The following PKIB variants were observed in gnomAD, a reference collection of about 807,000 sequenced individuals.
PKIB encodes the protein PKI-beta.
A neutral mutation model predicts 4.5 loss-of-function variants in PKIB; 2 were observed. The observed-to-expected ratio is 0.44, with a 90% CI of 0.18 to 1.39. The LOEUF is 1.39. PKIB is among the 40% of genes most tolerant of loss of function. PKIB has a pLI of 0.27. For missense variants in PKIB, 94 were observed against 92.6 expected (o/e 1.02, Z -0.06); for synonymous variants, 38 against 36.0 (o/e 1.06, Z -0.20).
At chr6:122,605,027 G>A (rs889520792) in intron 3 of PKIB, among the ~76,000 whole-genome samples, 2 of 152,200 alleles carry the variant, frequency 1.3e-5, no homozygotes, top group Non-Finnish European at 2.9e-5. Flanking sequence ...CTTGGTGAAT[G>A]TGGGTCTGTA....
intron 3 of PKIB, among the ~76,000 whole-genome samples, chr6:122,688,905 C>T (rs796501404): frequency 5.3e-5 from 8 of 151,992 alleles, no homozygotes; most frequent in African/African-American, 1.4e-4. Context: ...CTCAGCCTCC[C>T]GAGTGGCTGG....
chr6:122,700,653 TG>T (rs1384908576), intron 3 of PKIB, among the ~76,000 whole-genome samples: 1 of 152,240 alleles, frequency 6.6e-6, no homozygotes, highest in Non-Finnish European at 1.5e-5. Context: ...GTTTCTGTCG[TG>T]TGGACTTTTT....
chr6:122,589,505 A>G (rs1351833725), intron 3 of PKIB, among the ~76,000 whole-genome samples: 1 of 152,168 alleles, frequency 6.6e-6, no homozygotes, highest in African/African-American at 2.4e-5. Flanking sequence ...GGTGGCTGTC[A>G]AAGGTGATTT....
At chr6:122,608,613 A>T (rs1341946168), upstream of PKIB, among the ~76,000 whole-genome samples, 1 of 152,240 alleles carries the variant, frequency 6.6e-6, no homozygotes, top group Non-Finnish European at 1.5e-5. Flanking sequence ...TAAGTGTGGA[A>T]ACAAAGTTAA....
chr6:122,615,638 T>A (rs1294102447), intron 1 of PKIB, among the ~76,000 whole-genome samples: 1 of 152,142 alleles, frequency 6.6e-6, no homozygotes, highest in East Asian at 1.9e-4. Flanking sequence ...TGCAATTAGC[T>A]AGGATGAGGT....
intron 2 of PKIB, among the ~76,000 whole-genome samples, chr6:122,674,199 T>C (rs572760785): frequency 1.3e-5 from 2 of 152,260 alleles, no homozygotes; most frequent in South Asian, 2.1e-4. Flanking sequence ...TTGTAGGTGA[T>C]AGGCAAACTA....
intron 2 of PKIB, among the ~76,000 whole-genome samples, chr6:122,671,068 C>T (rs890745683): frequency 6.6e-6 from 1 of 151,946 alleles, no homozygotes; most frequent in Admixed American, 6.6e-5. Context: ...CCGAGGTGGG[C>T]GGATCACGAG....
chr6:122,645,831 C>T (rs1776289844), intron 2 of PKIB, among the ~76,000 whole-genome samples: 1 of 152,200 alleles, frequency 6.6e-6, no homozygotes. Context: ...AAGATGCTGA[C>T]TTCCATATTC....
At chr6:122,526,466 T>C (rs1777095021) in intron 2 of PKIB, among the ~76,000 whole-genome samples, 1 of 152,122 alleles carries the variant, frequency 6.6e-6, no homozygotes, top group African/African-American at 2.4e-5. Context: ...CCTTGATCTA[T>C]GAGTTGCAGA....
intron 1 of PKIB, among the ~76,000 whole-genome samples, chr6:122,476,160 A>G (rs1299763732): frequency 1.3e-5 from 2 of 152,224 alleles, no homozygotes; most frequent in Non-Finnish European, 2.9e-5. Context: ...TTAAAGGATG[A>G]ATAAAATTTG....
intron 2 of PKIB, among the ~76,000 whole-genome samples, chr6:122,510,252 T>C (rs192620478): frequency 6.6e-5 from 10 of 152,294 alleles, no homozygotes; most frequent in Non-Finnish European, 1.5e-4. Flanking sequence ...TAACATTGAA[T>C]AAGTTGGTTT....
chr6:122,561,781 C>G (rs1047190902), intron 2 of PKIB, among the ~76,000 whole-genome samples: 1 of 152,014 alleles, frequency 6.6e-6, no homozygotes, highest in Non-Finnish European at 1.5e-5. Context: ...TTTTTCCACC[C>G]CTTTACTTTA....
At chr6:122,715,387 T>C (rs1779442624) in intron 3 of PKIB, among the ~76,000 whole-genome samples, 1 of 152,016 alleles carries the variant, frequency 6.6e-6, no homozygotes, top group Non-Finnish European at 1.5e-5. Flanking sequence ...CTTGCAGCCA[T>C]AGTGGTTTCT....
At chr6:122,715,933 A>AC (rs1779474676) in intron 3 of PKIB, among the ~76,000 whole-genome samples, 2 of 151,608 alleles carry the variant, frequency 1.3e-5, no homozygotes, top group African/African-American at 2.4e-5. Context: ...AACCTCTCTG[A>AC]CCCCCCAGTT....
chr6:122,546,405 G>T (rs1045657655), intron 2 of PKIB, among the ~76,000 whole-genome samples: 7 of 151,776 alleles, frequency 4.6e-5, no homozygotes, highest in Admixed American at 3.3e-4. Flanking sequence ...GGGCAGGTTG[G>T]GGGGTGGAGG....
intron 2 of PKIB, among the ~76,000 whole-genome samples, chr6:122,642,512 C>G (rs1776159291): frequency 6.6e-6 from 1 of 152,208 alleles, no homozygotes; most frequent in Admixed American, 6.5e-5. Context: ...TTTAATCTAT[C>G]ATTGTTTCCT....
intron 2 of PKIB, among the ~76,000 whole-genome samples, chr6:122,573,982 A>C (rs1773452209): frequency 6.6e-6 from 1 of 152,174 alleles, no homozygotes; most frequent in South Asian, 2.1e-4. Context: ...AAGTCAAACT[A>C]TCTCTGTTCA....
At chr6:122,587,597 G>A (rs987906108) in intron 3 of PKIB, among the ~76,000 whole-genome samples, 1 of 152,176 alleles carries the variant, frequency 6.6e-6, no homozygotes, top group Admixed American at 6.5e-5. Flanking sequence ...CTGAGGAATT[G>A]TCACACTGAC....
chr6:122,717,576 A>G (rs1305453422), intron 3 of PKIB: 2 of 502,064 alleles, frequency 4.0e-6, no homozygotes, highest in African/African-American at 2.0e-5. Context: ...ATTTTTAGCA[A>G]TCTGGCTCAC....
Sources: gnomAD v4.1 joint callset for allele counts (sites outside exome capture counted in the v4.1 genomes callset) on GRCh38, gnomAD v4.1.1 for gene constraint, MANE v1.5 for transcripts, NCBI Gene and HGNC (gene_info 2026-07-23, HGNC 2026-07-21) for gene names.